The following SVBP variants were observed in gnomAD, a reference collection of about 807,000 sequenced individuals.
SVBP encodes small vasohibin binding protein, also known as small vasohibin-binding protein.
In SVBP, 9 loss-of-function variants were observed where a neutral mutation model predicts 9.2. That is an observed-to-expected ratio of 0.98 (90% confidence interval 0.59 to 1.71). SVBP has a LOEUF of 1.71. Ranked by LOEUF, SVBP falls within the 40% of genes most tolerant of loss-of-function variation. The probability of loss-of-function intolerance (pLI) is 0.00; values close to 1 mark genes in which losing one functional copy is unlikely to be tolerated. For synonymous variants in SVBP, 27 were observed against 23.9 expected, an observed-to-expected ratio of 1.13 and a Z score of -0.37; for missense variants, 63 against 73.2, an observed-to-expected ratio of 0.86 and a Z score of 0.51.
rs1220555019 is a variant in SVBP at position 42,817,356 on chromosome 1, G to T, written c.-203C>A. The T allele has an allele frequency of 1.3e-6, 1 of 746,454 alleles. No individual in the cohort carries two copies. The highest frequency in any genetic ancestry group is 2.9e-5 in the South Asian group (1 of 35,016). 46.2% of individuals were successfully genotyped at this position (746,454 alleles called of 1,614,324 possible). On this transcript the variant is annotated 5_prime_UTR_variant, in exon 1 of 3. Transcript: ENST00000372521. ...CGGGGGGAGGGGCGCAGGGCCGAGC[G>T]CCAGGAGGCTTCCGCCCGCAGGAGC...
chr1:42,816,906 G>C (rs1654227470), intron 1 of SVBP: 1 of 189,288 alleles, frequency 5.3e-6, no homozygotes, highest in Non-Finnish European at 1.1e-5. Context: ...CCACTGTGCG[G>C]CGTGCGGCAC....
intron 2 of SVBP, 141 bp from the exon 3 acceptor site, chr1:42,807,641 A>C (rs772538355): frequency 3.2e-6 from 2 of 626,390 alleles, no homozygotes; most frequent in African/African-American, 3.6e-5. Context: ...GGGAATAGGA[A>C]AGTTAGATAT....
At chr1:42,811,754 T>C (rs1654089004) in intron 2 of SVBP, among the ~76,000 whole-genome samples, 1 of 152,188 alleles carries the variant, frequency 6.6e-6, no homozygotes, top group Non-Finnish European at 1.5e-5. Context: ...TTAAGTATCT[T>C]GTCCAACGTC....
At chr1:42,808,480 T>C (rs1227357102) in intron 2 of SVBP, among the ~76,000 whole-genome samples, 4 of 146,024 alleles carry the variant, frequency 2.7e-5, no homozygotes, top group Non-Finnish European at 6.0e-5. Flanking sequence ...AGTGTATATA[T>C]ACTATATATA....
At position 42,816,468 on chromosome 1, in the gene SVBP, G is replaced by A. The variant is rs1557600690; in HGVS notation, c.77C>T (p.Ser26Leu). 2 of 1,613,962 alleles carry A rather than the reference G, an allele frequency of 1.2e-6. No homozygotes were observed. Among genetic ancestry groups the A allele is most frequent in the African/African-American group, 1.3e-5 (1 of 74,924 alleles). Reference sequence around the variant, plus strand: ...TCTCTGCTTCAGCTCCTGCTGGGCTGATTTCTGTTTGGCCTTCTCAACTCT... The same window carrying A: ...TCTCTGCTTCAGCTCCTGCTGGGCTAATTTCTGTTTGGCCTTCTCAACTCT... ...VSRVEKAKQK[S>L]AQQELKQRQR... Residue 26 changes from serine to leucine, a missense_variant, in exon 2 of 3, where the codon TCA (serine) becomes TTA (leucine). Coordinates refer to ENST00000372521, the MANE Select transcript of SVBP (RefSeq NM_199342.4).
chr1:42,812,253 G>A (rs1378040938), intron 2 of SVBP, among the ~76,000 whole-genome samples: 3 of 152,140 alleles, frequency 2.0e-5, no homozygotes, highest in African/African-American at 7.2e-5. Context: ...AAATGAAAGT[G>A]CAAATTTGTA....
In SVBP at chr1:42,807,464, G is replaced by A. The variant is rs1431371231; in HGVS notation, c.151C>T (p.Gln51Ter). The A allele has an allele frequency of 6.2e-7, 1 of 1,614,074 alleles. No homozygotes were observed. Among genetic ancestry groups the A allele is most frequent in the East Asian group, 2.2e-5 (1 of 44,888 alleles). ...ALNRVMTELE[Q>*]QQFDEFCKQM... Reference sequence around the variant, plus strand: ...TTACAGAACTCATCAAACTGCTGCTGCTCCAGTTCTGTCATGACTCTGTTG... The same window carrying A: ...TTACAGAACTCATCAAACTGCTGCTACTCCAGTTCTGTCATGACTCTGTTG... The change falls in exon 3 of 3, where the codon CAG becomes TAG. Residue 51 changes from glutamine (Q) to a stop codon, truncating the protein, a stop_gained. Coordinates refer to ENST00000372521, the MANE Select transcript of SVBP (RefSeq NM_199342.4). LOFTEE classifies it high-confidence loss of function.
intron 1 of SVBP, 43 bp downstream of exon 1, chr1:42,817,147 G>A (rs1249174194): frequency 8.3e-7 from 1 of 1,200,306 alleles, no homozygotes. Context: ...GAGGAAAATG[G>A]CGGTCGCTGG....
chr1:42,810,362 G>A (rs1654058283), intron 2 of SVBP, among the ~76,000 whole-genome samples: 1 of 152,024 alleles, frequency 6.6e-6, no homozygotes, highest in South Asian at 2.1e-4. Context: ...TGGCCAGGAT[G>A]GTCTTGATCT....
intron 2 of SVBP, chr1:42,813,597 CCA>C (rs1050822388): frequency 3.4e-5 from 18 of 529,636 alleles, no homozygotes; most frequent in African/African-American, 3.9e-5. Flanking sequence ...GGGGTGCTCT[CCA>C]CAGTCACTTT....
chr1:42,815,973 G>A lies in SVBP; in HGVS notation c.114+458C>T, dbSNP rs547777930. Among the ~76,000 whole-genome samples, 4 of 152,312 alleles carry A rather than the reference G, an allele frequency of 2.6e-5. No individual in the cohort carries two copies. In the South Asian group the frequency reaches 8.3e-4, roughly 32 times the overall value. On this transcript the variant is annotated intron_variant, in intron 2 of 2. Coordinates refer to ENST00000372521, the MANE Select transcript of SVBP (RefSeq NM_199342.4). ...TGTGGCTCAATATTGGCAGGGTAAA[G>A]TTTAAAGCTTTTTATTCTCAAGTTG...
chr1:42,814,358 G>A (rs1345185553), intron 2 of SVBP, among the ~76,000 whole-genome samples: 3 of 151,746 alleles, frequency 2.0e-5, no homozygotes, highest in South Asian at 4.2e-4. Context: ...TTACAGGTGT[G>A]AGCCACTGTG....
intron 2 of SVBP, 80 bp downstream of exon 2, chr1:42,816,351 G>C: frequency 9.5e-7 from 1 of 1,051,076 alleles, no homozygotes; most frequent in Non-Finnish European, 1.4e-6. Context: ...CTCGCTGTCA[G>C]TTCTCCTTTC....
chr1:42,808,799 CATTT>C (rs1433463662), intron 2 of SVBP, among the ~76,000 whole-genome samples: 1 of 152,040 alleles, frequency 6.6e-6, no homozygotes, highest in Non-Finnish European at 1.5e-5. Flanking sequence ...CAAGTTCAAG[CATTT>C]CTCCTGCATC....
In SVBP at chr1:42,807,259, G is replaced by C; in HGVS notation, c.*155C>G. 1 of 469,798 alleles carries C rather than the reference G, an allele frequency of 2.1e-6. No homozygotes were observed. Among genetic ancestry groups the C allele is most frequent in the South Asian group, 4.5e-5 (1 of 22,196 alleles). 29.1% of individuals were successfully genotyped at this position (469,798 alleles called of 1,614,324 possible). On this transcript the variant is annotated 3_prime_UTR_variant, in exon 3 of 3. Transcript: ENST00000372521. ...TGGCCAATTCAGATGGGAGGAACCA[G>C]TGAAGTTAGAAGTTACACACAGGAA...
chr1:42,813,057 T>C (rs1654113077), intron 2 of SVBP, among the ~76,000 whole-genome samples: 1 of 152,234 alleles, frequency 6.6e-6, no homozygotes, highest in Admixed American at 6.5e-5. Flanking sequence ...AATCATTTTA[T>C]AGCCAAATCC....
intron 2 of SVBP, among the ~76,000 whole-genome samples, chr1:42,808,182 T>TATATAC (rs1243399022): frequency 2.8e-4 from 37 of 130,656 alleles, no homozygotes; most frequent in Admixed American, 7.1e-4. Flanking sequence ...TATATATACA[T>TATATAC]ACTATGTATA....
In SVBP at chr1:42,817,172, A is replaced by C; in HGVS notation, c.-37+18T>G. 1 of 1,210,708 alleles carries C rather than the reference A, an allele frequency of 8.3e-7. No individual in the cohort carries two copies. 75.0% of individuals were successfully genotyped at this position (1,210,708 alleles called of 1,614,324 possible). On this transcript the variant is annotated intron_variant, in intron 1 of 2. Coordinates refer to ENST00000372521, the MANE Select transcript of SVBP (RefSeq NM_199342.4). Reference sequence around the variant, plus strand: ...GCGGTCGCTGGAGCCGCCGACCAAGAGGCTTGGGAGTCTGTACCTTTCCCG... The same window carrying C: ...GCGGTCGCTGGAGCCGCCGACCAAGCGGCTTGGGAGTCTGTACCTTTCCCG...
In SVBP at chr1:42,807,486, G is replaced by A; in HGVS notation, c.129C>T (p.Asn43=). The stretch of plus-strand genomic sequence containing the variant: ...GCTGCTCCAGTTCTGTCATGACTCT[G>A]TTGAGGGCATAGATCTGAATGAGAG... The part of the protein sequence containing the change: ...QRQRAEIYAL[N]RVMTELEQQQ... Residue 43 remains asparagine, a synonymous_variant, in exon 3 of 3, where the codon AAC becomes AAT. Coordinates refer to ENST00000372521, the MANE Select transcript of SVBP (RefSeq NM_199342.4). The A allele has an allele frequency of 6.2e-7, 1 of 1,613,408 alleles. No individual in the cohort carries two copies. The highest frequency in any genetic ancestry group is 8.5e-7 in the Non-Finnish European group (1 of 1,179,384).
Sources: gnomAD v4.1 joint callset for allele counts (sites outside exome capture counted in the v4.1 genomes callset) on GRCh38, gnomAD v4.1.1 for gene constraint, MANE v1.5 for transcripts, NCBI Gene and HGNC (gene_info 2026-07-23, HGNC 2026-07-21) for gene names.